Variants in DROSHA observed in about 807,000 individuals in gnomAD.
DROSHA encodes drosha ribonuclease III.
In DROSHA, 56 loss-of-function variants were observed where a neutral mutation model predicts 181.9. The observed-to-expected ratio is 0.31, with a 90% CI of 0.25 to 0.38. The LOEUF (loss-of-function observed/expected upper bound fraction) is 0.38, where lower values mean the gene tolerates loss of function less well. Ranked by LOEUF, DROSHA falls within the 10% of genes least tolerant of loss-of-function variation. The pLI is 1.00. For missense variants in DROSHA, 1,218 were observed against 1,743.5 expected, an observed-to-expected ratio of 0.70 and a Z score of 5.37; for synonymous variants, 524 against 591.2, an observed-to-expected ratio of 0.89 and a Z score of 1.65.
Position 31,405,737 on chromosome 5 carries a change from TAAAG to T in DROSHA, c.3948-18_3948-15del, listed in dbSNP as rs1251279842. The T allele has an allele frequency of 2.8e-6, 3 of 1,079,198 alleles. No homozygotes were observed. Among genetic ancestry groups the T allele is most frequent in the Non-Finnish European group, 3.9e-6 (3 of 763,178 alleles). 66.9% of individuals were successfully genotyped at this position (1,079,198 alleles called of 1,614,324 possible). On this transcript the variant is annotated splice_polypyrimidine_tract_variant and intron_variant, in intron 34 of 35. Coordinates refer to ENST00000344624, the MANE Select transcript of DROSHA (RefSeq NM_001382508.1). ...GCTTGCTGAATACTATTAAATAAAA[TAAAG>T]TAAGACATACTTTAATTTCAAGATT... is the stretch of plus-strand genomic sequence containing the variant.
intron 29 of DROSHA, 111 bp downstream of exon 29, chr5:31,422,676 T>A: frequency 7.2e-7 from 1 of 1,381,782 alleles, no homozygotes; most frequent in Non-Finnish European, 9.9e-7. Flanking sequence ...CAATGTGACT[T>A]TCCTGGAAAT....
chr5:31,498,960 G>T (rs1315749745), intron 11 of DROSHA, among the ~76,000 whole-genome samples: 1 of 152,154 alleles, frequency 6.6e-6, no homozygotes, highest in Non-Finnish European at 1.5e-5. Context: ...GATAGACATG[G>T]GGCTGTGCCA....
intron 5 of DROSHA, among the ~76,000 whole-genome samples, chr5:31,522,002 G>A (rs961522238): frequency 6.6e-6 from 1 of 152,148 alleles, no homozygotes; most frequent in Non-Finnish European, 1.5e-5. Flanking sequence ...ATTAACCTGA[G>A]TCCAGAAAGA....
At chr5:31,476,196 C>A (rs1010628577) in intron 16 of DROSHA, among the ~76,000 whole-genome samples, 2 of 152,152 alleles carry the variant, frequency 1.3e-5, no homozygotes, top group Non-Finnish European at 2.9e-5. Context: ...AAAACCCTGT[C>A]TCTATTAAAA....
At chr5:31,517,457 G>A (rs1040060236) in intron 6 of DROSHA, among the ~76,000 whole-genome samples, 1 of 152,074 alleles carries the variant, frequency 6.6e-6, no homozygotes, top group African/African-American at 2.4e-5. Context: ...TCTCCAAGGT[G>A]TAAGGCAGAA....
chr5:31,490,910 A>G (rs1022026015), intron 13 of DROSHA, among the ~76,000 whole-genome samples: 4 of 152,152 alleles, frequency 2.6e-5, no homozygotes, highest in Admixed American at 2.0e-4. Flanking sequence ...GAACATTTAC[A>G]TAAAATATAT....
rs772015765 is a variant in DROSHA at position 31,410,787 on chromosome 5, G to A, written c.3626C>T (p.Pro1209Leu). 1.2e-6 allele frequency: 2 copies of A among 1,613,986 alleles called. No homozygotes were observed. Among genetic ancestry groups the A allele is most frequent in the Non-Finnish European group, 1.7e-6 (2 of 1,179,846 alleles). The change falls in exon 31 of 36, where the codon CCT (proline) becomes CTT (leucine). Residue 1209 changes from proline to leucine, a missense_variant. This residue lies in a region of DROSHA where 47 missense variants were observed against 70.6 expected (regional missense o/e 0.67). Coordinates refer to ENST00000344624, the MANE Select transcript of DROSHA (RefSeq NM_001382508.1). ...CAAGGTCTTGGTGCGAAGCGCCACA[G>A]GCCTCTTGGTCTTGTCGTTGGTTAT... Reference protein sequence around the residue: ...YAITNDKTKRPVALRTKTLAD... With the variant: ...YAITNDKTKRLVALRTKTLAD...
chr5:31,463,333 C>T (rs1441961013), intron 20 of DROSHA, among the ~76,000 whole-genome samples: 1 of 152,014 alleles, frequency 6.6e-6, no homozygotes, highest in Non-Finnish European at 1.5e-5. Flanking sequence ...ACTTTTAAAC[C>T]CTGCTAGTCA....
At chr5:31,460,951 G>A (rs1446222317) in intron 20 of DROSHA, among the ~76,000 whole-genome samples, 1 of 151,888 alleles carries the variant, frequency 6.6e-6, no homozygotes, top group African/African-American at 2.4e-5. Context: ...AAAAATTACA[G>A]GTTTTATTAA....
chr5:31,464,351 A>C lies in DROSHA; in HGVS notation c.2467-8T>G. 6.2e-7 allele frequency: 1 copy of C among 1,611,882 alleles called. No homozygotes were observed. Among genetic ancestry groups the C allele is most frequent in the Non-Finnish European group, 8.5e-7 (1 of 1,178,632 alleles). ...TATTTTTTGGAGGGCTTCCTAGAAA[A>C]GAATTCATTATGATGAGTAACACAA... is the stretch of plus-strand genomic sequence containing the variant. On this transcript the variant is annotated splice_region_variant and splice_polypyrimidine_tract_variant and intron_variant, in intron 19 of 35. Coordinates refer to ENST00000344624, the MANE Select transcript of DROSHA (RefSeq NM_001382508.1).
At chr5:31,477,359 C>T (rs1437107776) in intron 16 of DROSHA, among the ~76,000 whole-genome samples, 1 of 152,360 alleles carries the variant, frequency 6.6e-6, no homozygotes, top group South Asian at 2.1e-4. Context: ...CCTTTCTCTA[C>T]ACTGACAGTA....
In DROSHA at chr5:31,401,577, T is replaced by C. The variant is rs575070411; in HGVS notation, c.3995-15A>G. 7.2e-7 allele frequency: 1 copy of C among 1,392,170 alleles called. No individual in the cohort carries two copies. Among genetic ancestry groups the C allele is most frequent in the African/African-American group, 1.5e-5 (1 of 66,494 alleles). 86.2% of individuals were successfully genotyped at this position (1,392,170 alleles called of 1,614,324 possible). On this transcript the variant is annotated splice_polypyrimidine_tract_variant and intron_variant, in intron 35 of 35. Transcript: ENST00000344624. ...GGGAAAATTATCTGACACAAGGAAA[T>C]ATATTTTATATTTAATAAAATTATA...
In DROSHA at chr5:31,434,666, G is replaced by C. The variant is rs967677129; in HGVS notation, c.3042+1099C>G. On this transcript the variant is annotated intron_variant, in intron 25 of 35. Transcript: ENST00000344624. ...TTGGCAAGATCAAATTAAGAAACCAGTCATAAAGCTAGGATGGGCTTTATC... is the reference window on the plus strand; with the variant it reads ...TTGGCAAGATCAAATTAAGAAACCACTCATAAAGCTAGGATGGGCTTTATC... Among the ~76,000 whole-genome samples, 11 of 152,248 alleles carry C rather than the reference G, an allele frequency of 7.2e-5. No individual in the cohort carries two copies. The East Asian group carries it at 2.1e-3, about 29-fold the overall frequency.
intron 22 of DROSHA, 131 bp downstream of exon 22, chr5:31,449,148 AAG>A (rs1746667627): frequency 3.2e-6 from 4 of 1,244,124 alleles, no homozygotes; most frequent in South Asian, 1.7e-5. Flanking sequence ...AAAAAAAAAA[AAG>A]AGTCAGTAAG....
intron 27 of DROSHA, among the ~76,000 whole-genome samples, chr5:31,427,989 C>T (rs1211721061): frequency 6.6e-6 from 1 of 152,112 alleles, no homozygotes; most frequent in Non-Finnish European, 1.5e-5. Context: ...TCTCAACCAC[C>T]CTGTTTGTAA....
chr5:31,487,648 T>G (rs1460270701), intron 13 of DROSHA, among the ~76,000 whole-genome samples: 3 of 152,194 alleles, frequency 2.0e-5, no homozygotes. Flanking sequence ...GAAACAAATT[T>G]TAATTCTATC....
intron 4 of DROSHA, 56 bp from the exon 5 acceptor site, chr5:31,526,968 GT>G: frequency 6.7e-7 from 1 of 1,486,144 alleles, no homozygotes; most frequent in Non-Finnish European, 9.1e-7. Flanking sequence ...TTCTTACTAT[GT>G]AAACAGGGTT....
chr5:31,432,026 A>G (rs955050071), intron 25 of DROSHA, among the ~76,000 whole-genome samples: 2 of 152,156 alleles, frequency 1.3e-5, no homozygotes, highest in African/African-American at 4.8e-5. Context: ...GGTTCATCCA[A>G]TATGCCTAGG....
In DROSHA at chr5:31,483,550, T is replaced by A. The variant is rs772563598; in HGVS notation, c.2071+4A>T. ...CCAGGTCACTGACAAGCCAGAAGATTTACCTGGAAGAAATCTTACAAAACG... is the reference window on the plus strand; with the variant it reads ...CCAGGTCACTGACAAGCCAGAAGATATACCTGGAAGAAATCTTACAAAACG... On this transcript the variant is annotated splice_donor_region_variant and intron_variant, in intron 16 of 35. Transcript: ENST00000344624. 8 of 1,613,068 alleles carry A rather than the reference T, an allele frequency of 5.0e-6. No homozygotes were observed. In the South Asian group the frequency reaches 8.8e-5, roughly 18 times the overall value.
Sources: gnomAD v4.1 joint callset for allele counts (sites outside exome capture counted in the v4.1 genomes callset) on GRCh38, gnomAD v4.1.1 for gene constraint, gnomAD v4.1.1 regional missense constraint, MANE v1.5 for transcripts, NCBI Gene and HGNC (gene_info 2026-07-23, HGNC 2026-07-21) for gene names.